Variants in RGS6 observed in about 807,000 individuals in gnomAD.
RGS6 encodes regulator of G-protein signaling 6.
In RGS6, 30 loss-of-function variants were observed where a neutral mutation model predicts 78.5. The observed-to-expected ratio is 0.38, with a 90% CI of 0.29 to 0.52. The LOEUF (loss-of-function observed/expected upper bound fraction) is 0.52. Among genes scored for constraint, RGS6 ranks in the 20% least tolerant of loss-of-function variants. The pLI, the probability that RGS6 is intolerant of heterozygous loss-of-function variation, is 0.85. For missense variants in RGS6, 495 were observed against 609.7 expected (o/e 0.81, Z 1.98); for synonymous variants, 206 against 206.0 (o/e 1.00, Z 0.00).
At chr14:71,972,233 A>G (rs1354575755) in intron 2 of RGS6, among the ~76,000 whole-genome samples, 1 of 151,838 alleles carries the variant, frequency 6.6e-6, no homozygotes, top group Non-Finnish European at 1.5e-5. Flanking sequence ...AAGGTGAGGG[A>G]TTTACACAAA....
the RGS6 span, among the ~76,000 whole-genome samples, chr14:71,873,738 T>A: frequency 3.3e-5 from 5 of 152,190 alleles, no homozygotes; most frequent in Admixed American, 2.0e-4. Flanking sequence ...CTGAATGGTA[T>A]TGCCTAGGTT....
At chr14:71,875,377 G>T in the RGS6 span, among the ~76,000 whole-genome samples, 82 of 152,260 alleles carry the variant, frequency 5.4e-4, no homozygotes, top group African/African-American at 1.9e-3. Flanking sequence ...TCTTGGGAGG[G>T]TGTTTGTGTA....
chr14:71,911,806 C>T, the RGS6 span, among the ~76,000 whole-genome samples: 4 of 152,136 alleles, frequency 2.6e-5, no homozygotes, highest in African/African-American at 7.2e-5. Context: ...TGGTGGAAAC[C>T]GAAAGCAGGC....
intron 2 of RGS6, among the ~76,000 whole-genome samples, chr14:72,326,292 A>G (rs956576316): frequency 2.0e-5 from 3 of 152,224 alleles, no homozygotes; most frequent in African/African-American, 7.2e-5. Flanking sequence ...TTATTGTAAA[A>G]TGGCAATAGT....
intron 15 of RGS6, among the ~76,000 whole-genome samples, chr14:72,523,989 G>A (rs1474429250): frequency 6.6e-6 from 1 of 152,122 alleles, no homozygotes; most frequent in Non-Finnish European, 1.5e-5. Flanking sequence ...TGGGTGATGG[G>A]GGTGATGTCT....
chr14:71,876,634 G>T, the RGS6 span, among the ~76,000 whole-genome samples: 1 of 151,452 alleles, frequency 6.6e-6, no homozygotes, highest in Admixed American at 6.6e-5. Flanking sequence ...TATCCGATTT[G>T]CCAGTCTGTG....
chr14:72,159,666 G>C (rs963452939), intron 2 of RGS6, among the ~76,000 whole-genome samples: 2 of 152,168 alleles, frequency 1.3e-5, no homozygotes, highest in Non-Finnish European at 2.9e-5. Context: ...TTTATGATGT[G>C]TTTCCAGTGC....
At chr14:72,122,006 T>A (rs1343566250) in intron 2 of RGS6, among the ~76,000 whole-genome samples, 2 of 152,124 alleles carry the variant, frequency 1.3e-5, no homozygotes, top group South Asian at 2.1e-4. Flanking sequence ...CTTCCTACAG[T>A]GTACAAGACA....
intron 2 of RGS6, among the ~76,000 whole-genome samples, chr14:72,174,052 G>T (rs936204857): frequency 2.6e-5 from 4 of 152,158 alleles, no homozygotes; most frequent in African/African-American, 9.7e-5. Flanking sequence ...TCTCCCTGGA[G>T]AAGCAGCTTC....
intron 2 of RGS6, among the ~76,000 whole-genome samples, chr14:72,035,159 C>G (rs1450453161): frequency 6.6e-6 from 1 of 152,052 alleles, no homozygotes; most frequent in South Asian, 2.1e-4. Flanking sequence ...AATGTATTCC[C>G]CATGTATAAG....
At chr14:72,297,922 A>G (rs1193523031) in intron 2 of RGS6, among the ~76,000 whole-genome samples, 1 of 151,048 alleles carries the variant, frequency 6.6e-6, no homozygotes, top group African/African-American at 2.5e-5. Context: ...TTCTTTATGT[A>G]GAAGGTTTTT....
At chr14:72,267,351 AT>A (rs1382318884) in intron 2 of RGS6, among the ~76,000 whole-genome samples, 1 of 71,950 alleles carries the variant, frequency 1.4e-5, no homozygotes, top group Admixed American at 1.8e-4. Context: ...GTGTCCATAA[AT>A]AAAGTTTCTT....
intron 2 of RGS6, among the ~76,000 whole-genome samples, chr14:72,122,388 T>A (rs2096072118): frequency 6.6e-6 from 1 of 152,158 alleles, no homozygotes; most frequent in African/African-American, 2.4e-5. Flanking sequence ...TGATATCTAC[T>A]GCTTAGAAGG....
chr14:71,946,952 G>T (rs1180030970), intron 1 of RGS6, among the ~76,000 whole-genome samples: 1 of 152,160 alleles, frequency 6.6e-6, no homozygotes, highest in Non-Finnish European at 1.5e-5. Flanking sequence ...AGTAAAATGA[G>T]AAAACAAAAG....
chr14:71,998,581 T>C (rs926071094), intron 2 of RGS6, among the ~76,000 whole-genome samples: 6 of 152,234 alleles, frequency 3.9e-5, no homozygotes, highest in Non-Finnish European at 8.8e-5. Context: ...TTAAGAAATC[T>C]GTTTTCGTGA....
rs544031761 is a variant in RGS6 at position 72,426,421 on chromosome 14, A to G, written c.185-28107A>G. 3.7e-4 allele frequency among the ~76,000 whole-genome samples: 56 copies of G among 152,344 alleles called. No individual in the cohort carries two copies. The South Asian group carries it at 7.3e-3, about 20-fold the overall frequency. The stretch of plus-strand genomic sequence containing the variant: ...ACCATTAGGCCGTTGTTGGCCTGCA[A>G]AGGTGTAGAGCAAACTATTTTATGG... On this transcript the variant is annotated intron_variant, in intron 3 of 17. Transcript: ENST00000553525.
rs147924284 is a variant in RGS6 at position 72,191,515 on chromosome 14, C to T, written c.85-160580C>T. ...CATGGCTGGGGAGGCCTCACAATCA[C>T]GGCAGAAGATGAAGGAAGAGCAAAG... is the stretch of plus-strand genomic sequence containing the variant. On this transcript the variant is annotated intron_variant, in intron 2 of 17. Transcript: ENST00000553525. 1.1e-3 allele frequency among the ~76,000 whole-genome samples: 173 copies of T among 152,296 alleles called. 4 individuals are homozygous for T. The East Asian group carries it at 0.024, about 21-fold the overall frequency.
chr14:72,336,586 G>C (rs138534612), intron 2 of RGS6, among the ~76,000 whole-genome samples: 46 of 152,078 alleles, frequency 3.0e-4, no homozygotes, highest in African/African-American at 1.0e-3. Context: ...GGACAGAAAG[G>C]GAAGATGAGA....
intron 1 of RGS6, among the ~76,000 whole-genome samples, chr14:71,935,644 C>T (rs1015869681): frequency 2.0e-5 from 3 of 152,024 alleles, no homozygotes; most frequent in African/African-American, 4.8e-5. Context: ...ATTAAAGCAT[C>T]AGAAAAGAAG....
Sources: allele counts gnomAD v4.1 joint callset (sites outside exome capture counted in the v4.1 genomes callset), GRCh38; gene constraint gnomAD v4.1.1; transcripts MANE v1.5; gene names NCBI Gene and HGNC (gene_info 2026-07-23, HGNC 2026-07-21).